FURIN: variants seen among roughly 807,000 people sequenced by gnomAD.
The protein encoded by FURIN is FES upstream region.
FURIN carries 18 observed loss-of-function variants against 89.2 expected under a neutral mutation model. The observed-to-expected ratio is 0.20, with a 90% CI of 0.14 to 0.30. The LOEUF is 0.30. Among genes scored for constraint, FURIN ranks in the 10% least tolerant of loss-of-function variants. FURIN has a pLI of 1.00. For synonymous variants in FURIN, 508 were observed against 466.4 expected (o/e 1.09, Z -1.15); for missense variants, 879 against 1,100.5 (o/e 0.80, Z 2.85).
intron 1 of FURIN, among the ~76,000 whole-genome samples, chr15:90,869,088 C>T (rs985551286): frequency 1.3e-5 from 2 of 152,130 alleles, no homozygotes; most frequent in Non-Finnish European, 2.9e-5. Flanking sequence ...TCTGGATTAG[C>T]CCCAAATCAA....
intron 1 of FURIN, among the ~76,000 whole-genome samples, chr15:90,869,452 T>A: frequency 6.6e-6 from 1 of 152,328 alleles, no homozygotes. Context: ...GCTTTCAAAT[T>A]CTTTTTAGCA....
chr15:90,882,081 C>A lies in FURIN; in HGVS notation c.*203C>A. The A allele has an allele frequency of 1.8e-6, 1 of 565,730 alleles. No homozygotes were observed. Among genetic ancestry groups the A allele is most frequent in the African/African-American group, 1.9e-5 (1 of 51,620 alleles). 35.0% of individuals were successfully genotyped at this position (565,730 alleles called of 1,614,324 possible). A position where few individuals can be genotyped will look rare whatever the true frequency, so the allele number is the denominator to read the frequency against. ...CTGGGGCGTGGGGAGGGCCGTACCC[C>A]ACCCTCAGCACCCCTTCCATGTGGA... On this transcript the variant is annotated 3_prime_UTR_variant, in exon 16 of 16. Transcript: ENST00000268171.
rs190888418 is a variant in FURIN, at chr15:90,875,446, G to A, written c.-159-136G>A. 207 of 322,998 alleles carry A rather than the reference G, an allele frequency of 6.4e-4. 1 individual carries two copies. Among genetic ancestry groups the A allele is most frequent in the African/African-American group, 4.1e-3 (192 of 46,700 alleles). The allele number at this position is 322,998 out of a possible 1,614,324, so 20.0% of individuals were successfully genotyped here. A position where few individuals can be genotyped will look rare whatever the true frequency, so the allele number is the denominator to read the frequency against. On this transcript the variant is annotated intron_variant, in intron 1 of 15. Coordinates refer to ENST00000268171, the MANE Select transcript of FURIN (RefSeq NM_002569.4). Reference sequence around the variant, plus strand: ...TTGGGGGCTAGATTTCTTCTGGGGAGGACTAATTTTTTTACCCTTCTCCCC... The same window carrying A: ...TTGGGGGCTAGATTTCTTCTGGGGAAGACTAATTTTTTTACCCTTCTCCCC...
At chr15:90,877,398 A>G in intron 6 of FURIN, 129 bp from the exon 7 acceptor site, 1 of 891,964 alleles carries the variant, frequency 1.1e-6, no homozygotes, top group Non-Finnish European at 1.7e-6. Flanking sequence ...GGAGTGTGGG[A>G]GATGGGGGCT....
Position 90,882,101 on chromosome 15 carries a change from T to C in FURIN, c.*223T>C, listed in dbSNP as rs879365440. ...TACCCCACCCTCAGCACCCCTTCCATGTGGAGAAAGGAGTGAAACCTTTAG... is the reference window on the plus strand; with the variant it reads ...TACCCCACCCTCAGCACCCCTTCCACGTGGAGAAAGGAGTGAAACCTTTAG... On this transcript the variant is annotated 3_prime_UTR_variant, in exon 16 of 16. Transcript: ENST00000268171. 1.3e-5 allele frequency: 7 copies of C among 541,300 alleles called. No individual in the cohort carries two copies. The highest frequency in any genetic ancestry group is 5.9e-5 in the African/African-American group (3 of 50,710). The allele number at this position is 541,300 out of a possible 1,614,324, so 33.5% of individuals were successfully genotyped here. A position where few individuals can be genotyped will look rare whatever the true frequency, so the allele number is the denominator to read the frequency against.
rs143669943 is a variant in FURIN at position 90,883,396 on chromosome 15, A to G, written c.*1518A>G. 1.4e-3 allele frequency: 209 copies of G among 152,812 alleles called. No homozygotes were observed. Among genetic ancestry groups the G allele is most frequent in the East Asian group, 0.014 (71 of 5,200 alleles). 9.5% of individuals were successfully genotyped at this position (152,812 alleles called of 1,614,324 possible). A position where few individuals can be genotyped will look rare whatever the true frequency, so the allele number is the denominator to read the frequency against. ...AGGCCCAGCATTGCTGGTTCTATTT[A>G]ATGGACATGAGATAATGTTAGAGGT... On this transcript the variant is annotated 3_prime_UTR_variant, in exon 16 of 16. Coordinates refer to ENST00000268171, the MANE Select transcript of FURIN (RefSeq NM_002569.4).
chr15:90,869,564 C>T (rs2031189372), intron 1 of FURIN, among the ~76,000 whole-genome samples: 1 of 151,826 alleles, frequency 6.6e-6, no homozygotes, highest in South Asian at 2.1e-4. Context: ...TGTCCTCATT[C>T]CTCCCTCTCA....
chr15:90,877,046 G>A (rs746517882), intron 5 of FURIN, 22 bp downstream of exon 5: 4 of 1,613,940 alleles, frequency 2.5e-6, no homozygotes, highest in Non-Finnish European at 3.4e-6. Flanking sequence ...GGGGAGGGAG[G>A]CCGTGATCCC....
At chr15:90,874,157 C>T (rs964022872) in intron 1 of FURIN, among the ~76,000 whole-genome samples, 7 of 152,258 alleles carry the variant, frequency 4.6e-5, no homozygotes, top group Non-Finnish European at 8.8e-5. Context: ...CCCCCCCTTC[C>T]TCCAGGGCCT....
At chr15:90,874,296 G>A (rs998304921) in intron 1 of FURIN, among the ~76,000 whole-genome samples, 3 of 152,242 alleles carry the variant, frequency 2.0e-5, no homozygotes, top group Non-Finnish European at 4.4e-5. Context: ...TCACCTTGGC[G>A]CTCCTGGCTC....
intron 1 of FURIN, chr15:90,871,421 A>G (rs2031282667): frequency 1.9e-5 from 2 of 103,818 alleles, no homozygotes; most frequent in South Asian, 6.1e-4. Flanking sequence ...TGCCCCTACC[A>G]GGAGCCGGAG....
Position 90,881,819 on chromosome 15 carries a change from G to C in FURIN, c.2326G>C (p.Glu776Gln), listed in dbSNP as rs1311801696. The C allele has an allele frequency of 1.7e-5, 27 of 1,613,422 alleles. No homozygotes were observed. The highest frequency in any genetic ancestry group is 2.3e-5 in the Non-Finnish European group (27 of 1,180,000). Residue 776 changes from glutamate (E) to glutamine (Q), a missense_variant, in exon 16 of 16, where the codon GAA becomes CAA. This residue lies in a region of FURIN where 457 missense variants were observed against 490.7 expected (regional missense o/e 0.93). Coordinates refer to ENST00000268171, the MANE Select transcript of FURIN (RefSeq NM_002569.4). This position sits in a 1 kb window ranked among gnomAD's most constrained non-coding sequence, Gnocchi z 4.3. ...GCAGGAGGAGTGCCCGTCTGACTCA[G>C]AAGAGGACGAGGGCCGGGGCGAGAG... ...AWQEECPSDS[E>Q]EDEGRGERTA...
In FURIN at chr15:90,881,928, T is replaced by C. The variant is rs769145385; in HGVS notation, c.*50T>C. ...GCCAATCCCCTCCTTGGGCACTTTT[T>C]AATTCACCAAAGTATTTTTTTATCT... On this transcript the variant is annotated 3_prime_UTR_variant, in exon 16 of 16. Coordinates refer to ENST00000268171, the MANE Select transcript of FURIN (RefSeq NM_002569.4). The surrounding 1 kb of genome is among the most constrained non-coding windows in gnomAD (Gnocchi z 4.3). 1 of 1,278,372 alleles carries C rather than the reference T, an allele frequency of 7.8e-7. No homozygotes were observed. Among genetic ancestry groups the C allele is most frequent in the Non-Finnish European group, 1.1e-6 (1 of 906,748 alleles). The allele number at this position is 1,278,372 out of a possible 1,614,324, so 79.2% of individuals were successfully genotyped here. A position where few individuals can be genotyped will look rare whatever the true frequency, so the allele number is the denominator to read the frequency against.
At position 90,882,325 on chromosome 15, in the gene FURIN, G is replaced by T; in HGVS notation, c.*447G>T. Reference sequence around the variant, plus strand: ...GGAGGCCACCTCTCCAAGGGCTTCTGCACCCTCCACCCTGTCCCCCAGCTC... The same window carrying T: ...GGAGGCCACCTCTCCAAGGGCTTCTTCACCCTCCACCCTGTCCCCCAGCTC... On this transcript the variant is annotated 3_prime_UTR_variant, in exon 16 of 16. Transcript: ENST00000268171. The T allele has an allele frequency of 5.5e-6, 1 of 182,296 alleles. No individual in the cohort carries two copies. The highest frequency in any genetic ancestry group is 1.2e-5 in the Non-Finnish European group (1 of 85,558). The allele number at this position is 182,296 out of a possible 1,614,324, so 11.3% of individuals were successfully genotyped here.
Position 90,880,156 on chromosome 15 carries a change from A to T in FURIN, c.1439A>T (p.His480Leu). The T allele has an allele frequency of 6.2e-7, 1 of 1,612,456 alleles. No homozygotes were observed. Among genetic ancestry groups the T allele is most frequent in the Non-Finnish European group, 8.5e-7 (1 of 1,179,524 alleles). Residue 480 changes from histidine (H) to leucine (L), a missense_variant, in exon 13 of 16, where the codon CAC becomes CTC. By Grantham distance (99) the His-to-Leu change is moderately conservative. Coordinates refer to ENST00000268171, the MANE Select transcript of FURIN (RefSeq NM_002569.4). ...ACCGCGTGCCTGGGCGAGCCCAACC[A>T]CATCACTCGGCTGGAGCACGCTCAG... ...TVTACLGEPN[H>L]ITRLEHAQAR...
At position 90,879,412 on chromosome 15, in the gene FURIN, C is replaced by G. The variant is rs759645694; in HGVS notation, c.1054-32C>G. The G allele has an allele frequency of 6.6e-6, 10 of 1,509,258 alleles. No individual in the cohort carries two copies. In the East Asian group the frequency reaches 2.3e-4, roughly 34 times the overall value. 93.5% of individuals were successfully genotyped at this position (1,509,258 alleles called of 1,614,324 possible). A position where few individuals can be genotyped will look rare whatever the true frequency, so the allele number is the denominator to read the frequency against. On this transcript the variant is annotated intron_variant, in intron 9 of 15. Transcript: ENST00000268171. ...GGCTCCTCTAGCCCCCTCCACCCATCACAGGCCCCAATATGATTCTCTTCC... is the reference window on the plus strand; with the variant it reads ...GGCTCCTCTAGCCCCCTCCACCCATGACAGGCCCCAATATGATTCTCTTCC...
In FURIN at chr15:90,880,175, C is replaced by A. The variant is rs376410361; in HGVS notation, c.1458C>A (p.His486Gln). The change falls in exon 13 of 16, where the codon CAC becomes CAA. Residue 486 changes from histidine (H) to glutamine (Q), a missense_variant. His to Gln is a conservative substitution (Grantham distance 24). Around this residue, in one of 5 missense-constraint regions of FURIN, gnomAD observed 457 missense variants for 490.7 expected, o/e 0.93. Transcript: ENST00000268171. ...CCAACCACATCACTCGGCTGGAGCA[C>A]GCTCAGGCGCGGCTCACCCTGTCCT... ...GEPNHITRLE[H>Q]AQARLTLSYN... The A allele has an allele frequency of 6.2e-7, 1 of 1,612,332 alleles. No individual in the cohort carries two copies. The highest frequency in any genetic ancestry group is 1.3e-5 in the African/African-American group (1 of 74,942).
Position 90,881,805 on chromosome 15 carries a change from G to A in FURIN, c.2312G>A (p.Cys771Tyr). Residue 771 changes from cysteine (C) to tyrosine (Y), a missense_variant, in exon 16 of 16, where the codon TGC becomes TAC. Physicochemically the swap from Cys to Tyr is radical, Grantham distance 194. This residue lies in a region of FURIN where 457 missense variants were observed against 490.7 expected (regional missense o/e 0.93). Coordinates refer to ENST00000268171, the MANE Select transcript of FURIN (RefSeq NM_002569.4). The surrounding 1 kb of genome is among the most constrained non-coding windows in gnomAD (Gnocchi z 4.3). ...GLPPEAWQEE[C>Y]PSDSEEDEGR... Reference sequence around the variant, plus strand: ...CCCCCTGAAGCCTGGCAGGAGGAGTGCCCGTCTGACTCAGAAGAGGACGAG... The same window carrying A: ...CCCCCTGAAGCCTGGCAGGAGGAGTACCCGTCTGACTCAGAAGAGGACGAG... 1 of 1,613,600 alleles carries A rather than the reference G, an allele frequency of 6.2e-7. No homozygotes were observed. Among genetic ancestry groups the A allele is most frequent in the East Asian group, 2.2e-5 (1 of 44,880 alleles).
At chr15:90,874,314 A>G (rs1596074635) in intron 1 of FURIN, among the ~76,000 whole-genome samples, 1 of 152,334 alleles carries the variant, frequency 6.6e-6, no homozygotes, top group East Asian at 1.9e-4. Flanking sequence ...CTCAGCAGCC[A>G]GTGTTTGCCC....
Sources: gnomAD v4.1 joint callset for allele counts (sites outside exome capture counted in the v4.1 genomes callset) on GRCh38, gnomAD v4.1.1 for gene constraint, gnomAD v4.1.1 regional missense constraint, Gnocchi (gnomAD v3.1) non-coding constraint, MANE v1.5 for transcripts, NCBI Gene and HGNC (gene_info 2026-07-23, HGNC 2026-07-21) for gene names.